SELENOF: variants seen among roughly 807,000 people sequenced by gnomAD.
SELENOF encodes the protein selenoprotein F.
A neutral mutation model predicts 20.5 loss-of-function variants in SELENOF; 16 were observed. The observed-to-expected ratio is 0.78, with a 90% confidence interval of 0.53 to 1.19. The LOEUF is 1.19. Ranked by LOEUF, SELENOF falls within the 50% of genes most tolerant of loss-of-function variation. The pLI is 0.00. For missense variants in SELENOF, 215 were observed against 194.2 expected (o/e 1.11, Z -0.64); for synonymous variants, 78 against 74.5 (o/e 1.05, Z -0.24).
intron 4 of SELENOF, among the ~76,000 whole-genome samples, chr1:86,867,108 T>C (rs565083060): frequency 3.3e-5 from 5 of 152,208 alleles, no homozygotes; most frequent in Admixed American, 2.6e-4. Context: ...TATTCAGTAA[T>C]AAGAAGCCAA....
At chr1:86,897,796 A>C (rs915622874) in intron 2 of SELENOF, among the ~76,000 whole-genome samples, 1 of 152,216 alleles carries the variant, frequency 6.6e-6, no homozygotes, top group African/African-American at 2.4e-5. Flanking sequence ...ATGCCAAAGC[A>C]AAAAAGAGGC....
intron 2 of SELENOF, among the ~76,000 whole-genome samples, chr1:86,899,447 G>A (rs1223667741): frequency 2.9e-5 from 3 of 103,416 alleles, no homozygotes; most frequent in Non-Finnish European, 5.9e-5. Context: ...CGGACGGGGC[G>A]GCTGGCCGGG....
At chr1:86,898,658 A>G (rs1001024479) in intron 2 of SELENOF, among the ~76,000 whole-genome samples, 1 of 148,630 alleles carries the variant, frequency 6.7e-6, no homozygotes, top group Non-Finnish European at 1.5e-5. Flanking sequence ...CTCGGCTCAC[A>G]GCAACCTCTG....
At chr1:86,867,160 T>C (rs918350677) in intron 4 of SELENOF, among the ~76,000 whole-genome samples, 11 of 151,950 alleles carry the variant, frequency 7.2e-5, no homozygotes, top group African/African-American at 2.7e-4. Flanking sequence ...ATATATAACA[T>C]TCTGGAAAAG....
At chr1:86,898,106 C>T (rs1570399709) in intron 2 of SELENOF, among the ~76,000 whole-genome samples, 2 of 152,304 alleles carry the variant, frequency 1.3e-5, no homozygotes, top group South Asian at 4.1e-4. Context: ...ACATTTTCTT[C>T]AAGCTACAAA....
At chr1:86,876,976 T>G (rs1658938262) in intron 3 of SELENOF, among the ~76,000 whole-genome samples, 1 of 152,220 alleles carries the variant, frequency 6.6e-6, no homozygotes, top group Non-Finnish European at 1.5e-5. Flanking sequence ...TTATAATACA[T>G]ATTGACTTGA....
chr1:86,873,774 C>A (rs1658849031), intron 3 of SELENOF, among the ~76,000 whole-genome samples: 1 of 150,894 alleles, frequency 6.6e-6, no homozygotes, highest in Non-Finnish European at 1.5e-5. Flanking sequence ...ATCACTTGAA[C>A]CCAGAAGGTG....
At chr1:86,914,511 C>T (rs370830656), upstream of SELENOF, 13 of 235,452 alleles carry the variant, frequency 5.5e-5, no homozygotes, top group Middle Eastern at 1.8e-3. Flanking sequence ...AGCGCAGGGG[C>T]TCTTCCGTCC....
chr1:86,897,896 A>G (rs1659567827), intron 2 of SELENOF, among the ~76,000 whole-genome samples: 1 of 152,196 alleles, frequency 6.6e-6, no homozygotes, highest in Non-Finnish European at 1.5e-5. Flanking sequence ...AAGATTAACT[A>G]CTTTCCTTAA....
chr1:86,910,021 G>GA lies in SELENOF; in HGVS notation c.84+4006dup, dbSNP rs1659937918. 2.0e-5 allele frequency among the ~76,000 whole-genome samples: 3 copies of GA among 152,224 alleles called. No homozygotes were observed. The South Asian group carries it at 6.2e-4, about 32-fold the overall frequency. ...AAGTATGATGATACAATATGCAAGG[G>GA]AGAAATTACATCTAACTTTGCAAGT... is the stretch of plus-strand genomic sequence containing the variant. On this transcript the variant is annotated intron_variant, in intron 1 of 4. Coordinates refer to ENST00000331835, the MANE Select transcript of SELENOF (RefSeq NM_004261.5).
chr1:86,909,343 TA>T (rs1659916152), intron 1 of SELENOF, among the ~76,000 whole-genome samples: 1 of 152,216 alleles, frequency 6.6e-6, no homozygotes, highest in African/African-American at 2.4e-5. Flanking sequence ...GAATAAACCT[TA>T]GGGAAGTTAT....
chr1:86,875,966 G>A (rs1259101702), intron 3 of SELENOF, among the ~76,000 whole-genome samples: 2 of 152,054 alleles, frequency 1.3e-5, no homozygotes, highest in African/African-American at 4.8e-5. Flanking sequence ...ACCATGTCAT[G>A]GCGGGTCTTG....
chr1:86,869,278 TAAACCAAG>T (rs1658692062), intron 3 of SELENOF, among the ~76,000 whole-genome samples: 1 of 152,228 alleles, frequency 6.6e-6, no homozygotes, highest in Non-Finnish European at 1.5e-5. Flanking sequence ...AAAGTCTCGC[TAAACCAAG>T]TCTGAAAATT....
chr1:86,865,749 A>T, intron 4 of SELENOF, among the ~76,000 whole-genome samples: 1 of 152,198 alleles, frequency 6.6e-6, no homozygotes, highest in East Asian at 1.9e-4. Context: ...TTACCATATG[A>T]TCCAGCAATT....
chr1:86,887,058 C>A, intron 2 of SELENOF: 1 of 1,270,056 alleles, frequency 7.9e-7, no homozygotes, highest in South Asian at 2.1e-5. Flanking sequence ...AAAATATTAT[C>A]ACCTAAACCA....
At chr1:86,892,648 C>A (rs115314098) in intron 2 of SELENOF, among the ~76,000 whole-genome samples, 3 of 152,072 alleles carry the variant, frequency 2.0e-5, no homozygotes, top group African/African-American at 7.2e-5. Context: ...ACAATAGCCA[C>A]GCAAATTGAA....
At chr1:86,874,951 T>A (rs1314989405) in intron 3 of SELENOF, among the ~76,000 whole-genome samples, 1 of 152,148 alleles carries the variant, frequency 6.6e-6, no homozygotes, top group East Asian at 1.9e-4. Context: ...AACAGAAAAT[T>A]GGCTGGGCAT....
In SELENOF at chr1:86,897,864, A is replaced by C. The variant is rs371247901; in HGVS notation, c.252+5417T>G. 3.3e-5 allele frequency among the ~76,000 whole-genome samples: 5 copies of C among 152,344 alleles called. No homozygotes were observed. In the East Asian group the frequency reaches 5.8e-4, roughly 18 times the overall value. On this transcript the variant is annotated intron_variant, in intron 2 of 4. Transcript: ENST00000331835. ...GCTCCTTCCTCCCAGGTTGCTGCTCAACTGTGGAGTCCATGAGTCAAAAGA... is the reference window on the plus strand; with the variant it reads ...GCTCCTTCCTCCCAGGTTGCTGCTCCACTGTGGAGTCCATGAGTCAAAAGA...
At chr1:86,864,599 T>A (rs1658545155) in intron 4 of SELENOF, among the ~76,000 whole-genome samples, 1 of 151,924 alleles carries the variant, frequency 6.6e-6, no homozygotes, top group Non-Finnish European at 1.5e-5. Flanking sequence ...GGCTAATGAA[T>A]CAATAATAAC....
Sources: allele counts gnomAD v4.1 joint callset (sites outside exome capture counted in the v4.1 genomes callset), GRCh38; gene constraint gnomAD v4.1.1; transcripts MANE v1.5; gene names NCBI Gene and HGNC (gene_info 2026-07-23, HGNC 2026-07-21).